The following NT5C2 variants were observed in gnomAD, a reference collection of about 807,000 sequenced individuals.
NT5C2 encodes the protein cytosolic purine 5'-nucleotidase.
NT5C2 carries 58 observed loss-of-function variants against 76.1 expected under a neutral mutation model. That is an observed-to-expected ratio of 0.76 (90% CI 0.62 to 0.95). The LOEUF is 0.95. NT5C2 is among the 40% of genes least tolerant of loss of function. NT5C2 has a pLI of 0.00. For synonymous variants in NT5C2, 229 were observed against 237.4 expected (o/e 0.96, Z 0.32); for missense variants, 478 against 690.3 (o/e 0.69, Z 3.45).
intron 1 of NT5C2, among the ~76,000 whole-genome samples, chr10:103,186,632 T>G (rs1196000926): frequency 6.6e-6 from 1 of 152,296 alleles, no homozygotes; most frequent in Non-Finnish European, 1.5e-5. Flanking sequence ...TGGCATTTAC[T>G]GGCTGGGTGC....
chr10:103,090,609 A>AC lies in NT5C2; in HGVS notation c.1449+1dup, dbSNP rs1564901150. The AC allele has an allele frequency of 6.2e-7, 1 of 1,612,256 alleles. No individual in the cohort carries two copies. Among genetic ancestry groups the AC allele is most frequent in the African/African-American group, 1.3e-5 (1 of 74,990 alleles). ...TGGCTGTCCATTACAGCTTTAACTC[A>AC]CCAAGACATGGGCAGCCCTGAAGAG... is the stretch of plus-strand genomic sequence containing the variant. On this transcript the variant is annotated splice_donor_variant, in intron 18 of 18. Coordinates refer to ENST00000404739, the MANE Select transcript of NT5C2 (RefSeq NM_001351169.2). LOFTEE classifies it high-confidence loss of function.
At chr10:103,111,622 T>G in intron 4 of NT5C2, 1 of 605,930 alleles carries the variant, frequency 1.7e-6, no homozygotes, top group Non-Finnish European at 2.4e-6. Context: ...GGAATTCTCA[T>G]GCACTTTTTA....
intron 4 of NT5C2, among the ~76,000 whole-genome samples, chr10:103,126,879 A>G (rs1303539668): frequency 6.6e-6 from 1 of 152,172 alleles, no homozygotes; most frequent in Non-Finnish European, 1.5e-5. Flanking sequence ...TGGCATGACC[A>G]CAGCTCACTG....
chr10:103,181,569 G>A (rs1484683793), intron 1 of NT5C2, among the ~76,000 whole-genome samples: 1 of 152,072 alleles, frequency 6.6e-6, no homozygotes, highest in East Asian at 1.9e-4. Flanking sequence ...CATATAGTAA[G>A]ACCACTATCT....
At position 103,089,628 on chromosome 10, in the gene NT5C2, G is replaced by T. The variant is rs191195125; in HGVS notation, c.*44C>A. Reference sequence around the variant, plus strand: ...GACCTCGTTTGTTCCTGTGAGTCCTGCCAGGACTTGTTTAATGGGTGCTTG... The same window carrying T: ...GACCTCGTTTGTTCCTGTGAGTCCTTCCAGGACTTGTTTAATGGGTGCTTG... On this transcript the variant is annotated 3_prime_UTR_variant, in exon 19 of 19. Transcript: ENST00000404739. 7.8e-6 allele frequency: 12 copies of T among 1,536,564 alleles called. No homozygotes were observed. The East Asian group carries it at 2.7e-4, about 35-fold the overall frequency.
At chr10:103,091,517 G>C in intron 16 of NT5C2, 47 bp downstream of exon 16, 1 of 1,391,472 alleles carries the variant, frequency 7.2e-7, no homozygotes, top group Non-Finnish European at 1.0e-6. Flanking sequence ...TTATATCTAA[G>C]TGATTCCTGA....
chr10:103,109,364 G>C (rs548871449), intron 4 of NT5C2, among the ~76,000 whole-genome samples: 2 of 152,102 alleles, frequency 1.3e-5, no homozygotes, highest in East Asian at 3.8e-4. Context: ...ACCTACTGTT[G>C]TAAATTTGTT....
chr10:103,139,489 A>G lies in NT5C2; in HGVS notation c.102-10T>C. ...TCGGTTCACAAACACCCTATAGAAA[A>G]TAATAAAAAATAATATCTCAACACT... On this transcript the variant is annotated splice_polypyrimidine_tract_variant and intron_variant, in intron 3 of 18. Coordinates refer to ENST00000404739, the MANE Select transcript of NT5C2 (RefSeq NM_001351169.2). 1 of 1,466,626 alleles carries G rather than the reference A, an allele frequency of 6.8e-7. No homozygotes were observed. Among genetic ancestry groups the G allele is most frequent in the Non-Finnish European group, 9.3e-7 (1 of 1,071,766 alleles). The allele number at this position is 1,466,626 out of a possible 1,614,324, so 90.9% of individuals were successfully genotyped here. A position where few individuals can be genotyped will look rare whatever the true frequency, so the allele number is the denominator to read the frequency against.
At chr10:103,107,549 T>C (rs1207993105) in intron 4 of NT5C2, among the ~76,000 whole-genome samples, 1 of 151,808 alleles carries the variant, frequency 6.6e-6, no homozygotes, top group Non-Finnish European at 1.5e-5. Context: ...TGGTGGCGCA[T>C]GCCTGTTGTC....
intron 3 of NT5C2, among the ~76,000 whole-genome samples, chr10:103,151,949 G>A (rs527425824): frequency 1.2e-4 from 18 of 152,146 alleles, no homozygotes; most frequent in South Asian, 4.1e-4. Context: ...AAAATCTGCC[G>A]TTACAGTGTC....
Position 103,098,972 on chromosome 10 carries a change from C to T in NT5C2, c.646G>A (p.Glu216Lys). Residue 216 changes from glutamate (E) to lysine (K), a missense_variant, in exon 10 of 19, where the codon GAA becomes AAA. Glu to Lys is a moderately conservative substitution (Grantham distance 56, BLOSUM62 1). Transcript: ENST00000404739. ...DWVHYKGSLK[E>K]KTVENLEKYV... The stretch of plus-strand genomic sequence containing the variant: ...TTCTCAAGATTTTCAACTGTCTTTT[C>T]CTTAAGGGAGCCCTGGAGGAAGACA... 6.2e-7 allele frequency: 1 copy of T among 1,607,274 alleles called. No homozygotes were observed. Among genetic ancestry groups the T allele is most frequent in the African/African-American group, 1.3e-5 (1 of 74,856 alleles).
chr10:103,186,568 T>A (rs80084683), intron 1 of NT5C2, among the ~76,000 whole-genome samples: 1,958 of 152,294 alleles, frequency 0.013, 20 homozygotes, highest in Non-Finnish European at 0.02. Context: ...AATTCAAGAT[T>A]TATTTCACCA....
At chr10:103,165,985 T>C (rs918546250) in intron 3 of NT5C2, among the ~76,000 whole-genome samples, 1 of 152,242 alleles carries the variant, frequency 6.6e-6, no homozygotes, top group African/African-American at 2.4e-5. Context: ...AAGAGAATTT[T>C]TTAAGTTAAA....
chr10:103,151,473 A>AAC (rs1166944403), intron 3 of NT5C2, among the ~76,000 whole-genome samples: 1 of 151,444 alleles, frequency 6.6e-6, no homozygotes, highest in Admixed American at 6.6e-5. Flanking sequence ...TTAAAAAAAA[A>AAC]AAAAAACACT....
chr10:103,121,128 G>A (rs776937162), intron 4 of NT5C2, among the ~76,000 whole-genome samples: 8 of 152,286 alleles, frequency 5.3e-5, no homozygotes, highest in Admixed American at 4.6e-4. Flanking sequence ...GAGGGGTGGA[G>A]GGAATGGGGA....
Position 103,105,874 on chromosome 10 carries a change from C to A in NT5C2, c.294-73G>T, listed in dbSNP as rs568561583. ...ATAATTTTATGTAGTAGTATTTAAT[C>A]ATCATGAACCAACCTCATTTAATTC... On this transcript the variant is annotated intron_variant, in intron 5 of 18. Transcript: ENST00000404739. 7.1e-6 allele frequency: 7 copies of A among 979,690 alleles called. No individual in the cohort carries two copies. The South Asian group carries it at 9.7e-5, about 14-fold the overall frequency. The allele number at this position is 979,690 out of a possible 1,614,324, so 60.7% of individuals were successfully genotyped here.
At chr10:103,093,344 C>T (rs759403960) in intron 14 of NT5C2, 35 bp from the exon 15 acceptor site, 1 of 1,490,398 alleles carries the variant, frequency 6.7e-7, no homozygotes, top group South Asian at 1.5e-5. Context: ...GAAAACTGTC[C>T]CTATATTAAA....
intron 3 of NT5C2, among the ~76,000 whole-genome samples, chr10:103,172,720 A>C (rs1045853742): frequency 3.3e-5 from 5 of 152,270 alleles, no homozygotes; most frequent in Non-Finnish European, 7.4e-5. Context: ...CTGTAATCCC[A>C]GCTACCAGAG....
chr10:103,129,337 G>A (rs1416162679), intron 4 of NT5C2, among the ~76,000 whole-genome samples: 4 of 119,420 alleles, frequency 3.3e-5, no homozygotes, highest in Admixed American at 7.6e-5. Context: ...CGCCCCGTCC[G>A]GGAGGGAGGT....
Sources: gnomAD v4.1 joint callset for allele counts (sites outside exome capture counted in the v4.1 genomes callset) on GRCh38, gnomAD v4.1.1 for gene constraint, MANE v1.5 for transcripts, NCBI Gene and HGNC (gene_info 2026-07-23, HGNC 2026-07-21) for gene names.